Variants in WDPCP observed in about 807,000 individuals in gnomAD.
WDPCP encodes WD repeat-containing and planar cell polarity effector protein fritz homolog.
In WDPCP, 71 loss-of-function variants were observed where a neutral mutation model predicts 93.1. The ratio of observed to expected loss-of-function variants is 0.76; its 90% CI spans 0.63 to 0.93. WDPCP has a LOEUF of 0.93. Ranked by LOEUF, WDPCP falls within the 40% of genes least tolerant of loss-of-function variation. WDPCP has a pLI of 0.00. For missense variants in WDPCP, 844 were observed against 887.4 expected, an observed-to-expected ratio of 0.95 and a Z score of 0.62; for synonymous variants, 315 against 315.0, an observed-to-expected ratio of 1.00 and a Z score of 0.00.
chr2:63,624,267 T>C (rs1709782579), intron 3 of WDPCP, among the ~76,000 whole-genome samples: 1 of 151,914 alleles, frequency 6.6e-6, no homozygotes, highest in South Asian at 2.1e-4. Context: ...ACATCACAAT[T>C]AAAAGAACTA....
chr2:63,221,346 G>C (rs1045718082), intron 14 of WDPCP, among the ~76,000 whole-genome samples: 2 of 152,204 alleles, frequency 1.3e-5, no homozygotes, highest in African/African-American at 4.8e-5. Context: ...TACATAAACT[G>C]TGGGATAAGG....
intron 1 of WDPCP, among the ~76,000 whole-genome samples, chr2:63,538,065 T>A (rs908166100): frequency 8.5e-5 from 13 of 152,306 alleles, no homozygotes; most frequent in Admixed American, 5.2e-4. Flanking sequence ...GGGGTTTTTT[T>A]AATTTCAGAT....
At chr2:63,506,106 C>T (rs1411321305) in intron 1 of WDPCP, among the ~76,000 whole-genome samples, 2 of 152,100 alleles carry the variant, frequency 1.3e-5, no homozygotes, top group Non-Finnish European at 2.9e-5. Context: ...ATGTGATCCA[C>T]ACAAATTTAC....
chr2:63,594,591 G>A, intron 3 of WDPCP: 1 of 1,585,782 alleles, frequency 6.3e-7, no homozygotes, highest in Non-Finnish European at 8.7e-7. Context: ...GATCAGGTAG[G>A]AACAGGTGTC....
chr2:63,490,470 T>A (rs1292326577), intron 2 of WDPCP, among the ~76,000 whole-genome samples: 1 of 152,184 alleles, frequency 6.6e-6, no homozygotes, highest in Non-Finnish European at 1.5e-5. Flanking sequence ...TCAAGCATAA[T>A]GAGAGCACAT....
chr2:63,403,949 A>T, intron 10 of WDPCP, 99 bp downstream of exon 10: 7 of 1,530,316 alleles, frequency 4.6e-6, no homozygotes, highest in Non-Finnish European at 6.3e-6. Context: ...ATGGGATGAT[A>T]AATAGAAAAA....
chr2:63,635,523 T>C (rs2106634290), intron 3 of WDPCP, among the ~76,000 whole-genome samples: 1 of 152,148 alleles, frequency 6.6e-6, no homozygotes, highest in Non-Finnish European at 1.5e-5. Flanking sequence ...TCAAACACCA[T>C]AATCAAGTGA....
intron 9 of WDPCP, among the ~76,000 whole-genome samples, chr2:63,428,684 A>G (rs1696499943): frequency 6.6e-6 from 1 of 152,042 alleles, no homozygotes; most frequent in Non-Finnish European, 1.5e-5. Context: ...AAGGATGCCT[A>G]CTCTCACCAC....
chr2:63,382,713 A>T (rs1431791294), intron 10 of WDPCP, among the ~76,000 whole-genome samples: 1 of 152,164 alleles, frequency 6.6e-6, no homozygotes, highest in African/African-American at 2.4e-5. Context: ...ATTTTAAAAA[A>T]TGTATTAGTT....
chr2:63,381,146 G>T lies in WDPCP; in HGVS notation c.1624+760C>A, dbSNP rs3768676. On this transcript the variant is annotated intron_variant, in intron 11 of 17. Transcript: ENST00000272321. ...CCACAAAGATATGAAAGATGCAAATGTTAGAATGTTTAGGTGCATTGTACA... is the reference window on the plus strand; with the variant it reads ...CCACAAAGATATGAAAGATGCAAATTTTAGAATGTTTAGGTGCATTGTACA... Among the ~76,000 whole-genome samples, 396 of 152,118 alleles carry T rather than the reference G, an allele frequency of 2.6e-3. 15 individuals carry two copies. The East Asian group carries it at 0.058, about 22-fold the overall frequency.
In WDPCP at chr2:63,433,726, A is replaced by C. The variant is rs780109239; in HGVS notation, c.825+19T>G. 46 of 1,590,862 alleles carry C rather than the reference A, an allele frequency of 2.9e-5. No individual in the cohort carries two copies. Among genetic ancestry groups the C allele is most frequent in the African/African-American group, 1.3e-5 (1 of 74,410 alleles). ...TTATTTACACTTTATTAAAATGTAC[A>C]TATTTGTTTTAGATTTACCTCTAGT... is the stretch of plus-strand genomic sequence containing the variant. On this transcript the variant is annotated intron_variant, in intron 9 of 17. Coordinates refer to ENST00000272321, the MANE Select transcript of WDPCP (RefSeq NM_015910.7).
At chr2:63,418,941 C>T (rs180774317) in intron 9 of WDPCP, among the ~76,000 whole-genome samples, 4 of 152,244 alleles carry the variant, frequency 2.6e-5, no homozygotes, top group East Asian at 1.9e-4. Flanking sequence ...ACACAAGAAA[C>T]GGATGGCCAG....
chr2:63,704,267 T>G (rs1365843252), intron 2 of WDPCP, among the ~76,000 whole-genome samples: 1 of 152,202 alleles, frequency 6.6e-6, no homozygotes, highest in Non-Finnish European at 1.5e-5. Flanking sequence ...TGACTTCCTC[T>G]TTTCCTAATT....
At chr2:63,165,812 C>G (rs1672926741) in intron 15 of WDPCP, among the ~76,000 whole-genome samples, 1 of 151,794 alleles carries the variant, frequency 6.6e-6, no homozygotes, top group Non-Finnish European at 1.5e-5. Context: ...CTCCCTTCCT[C>G]CCTCTGCCAT....
chr2:63,277,782 G>A (rs1559275084), intron 13 of WDPCP, among the ~76,000 whole-genome samples: 1 of 152,152 alleles, frequency 6.6e-6, no homozygotes, highest in African/African-American at 2.4e-5. Flanking sequence ...TAAGAAATGA[G>A]ATAGATGGCA....
chr2:63,427,239 G>A (rs1696393380), intron 9 of WDPCP, among the ~76,000 whole-genome samples: 1 of 152,126 alleles, frequency 6.6e-6, no homozygotes, highest in Non-Finnish European at 1.5e-5. Flanking sequence ...AATTGGACCT[G>A]ATAGACATAT....
chr2:63,448,110 C>G (rs544745946), intron 6 of WDPCP, among the ~76,000 whole-genome samples: 1 of 152,120 alleles, frequency 6.6e-6, no homozygotes, highest in South Asian at 2.1e-4. Context: ...AGCTAACAAA[C>G]TTCAAATTCA....
chr2:63,427,516 A>G (rs538101677), intron 9 of WDPCP, among the ~76,000 whole-genome samples: 12 of 152,352 alleles, frequency 7.9e-5, no homozygotes, highest in Middle Eastern at 6.8e-3. Flanking sequence ...ATTAAGGCAG[A>G]AATTTTAAAA....
intron 12 of WDPCP, among the ~76,000 whole-genome samples, chr2:63,362,195 C>T (rs1364430042): frequency 6.7e-6 from 1 of 149,868 alleles, no homozygotes; most frequent in East Asian, 2.0e-4. Context: ...TTTTTGCAAC[C>T]CAATTTTTTC....
Sources: gnomAD v4.1 joint callset for allele counts (sites outside exome capture counted in the v4.1 genomes callset) on GRCh38, gnomAD v4.1.1 for gene constraint, MANE v1.5 for transcripts, NCBI Gene and HGNC (gene_info 2026-07-23, HGNC 2026-07-21) for gene names.